RAD51B: variants seen among roughly 807,000 people sequenced by gnomAD.
RAD51B encodes the protein RAD51 paralog B.
RAD51B carries 38 observed loss-of-function variants against 42.2 expected under a neutral mutation model. The ratio of observed to expected loss-of-function variants is 0.90; its 90% CI spans 0.70 to 1.18. RAD51B has a LOEUF of 1.18. RAD51B is among the 50% of genes most tolerant of loss of function. The probability of loss-of-function intolerance (pLI) is 0.00; values close to 1 mark genes in which losing one functional copy is unlikely to be tolerated. For synonymous variants in RAD51B, 154 were observed against 145.2 expected, an observed-to-expected ratio of 1.06 and a Z score of -0.43; for missense variants, 373 against 400.7, an observed-to-expected ratio of 0.93 and a Z score of 0.59.
At chr14:67,826,519 A>G (rs2040837745) in intron 3 of RAD51B, among the ~76,000 whole-genome samples, 1 of 152,152 alleles carries the variant, frequency 6.6e-6, no homozygotes, top group Non-Finnish European at 1.5e-5. Flanking sequence ...AAATGTATTT[A>G]TTTATGTGGA....
At chr14:68,434,639 G>A (rs1311206483) in intron 9 of RAD51B, among the ~76,000 whole-genome samples, 1 of 152,120 alleles carries the variant, frequency 6.6e-6, no homozygotes, top group African/African-American at 2.4e-5. Context: ...AGGTGCTGTC[G>A]GTCACAGCTT....
chr14:68,284,529 C>T (rs549639386), intron 7 of RAD51B, among the ~76,000 whole-genome samples: 4 of 152,216 alleles, frequency 2.6e-5, no homozygotes, highest in South Asian at 2.1e-4. Flanking sequence ...GTCTGCCTGA[C>T]TCCCACACCC....
At chr14:68,003,178 TTTG>T (rs764644245) in intron 7 of RAD51B, among the ~76,000 whole-genome samples, 2 of 152,200 alleles carry the variant, frequency 1.3e-5, no homozygotes, top group Non-Finnish European at 2.9e-5. Flanking sequence ...TATGTTTCCA[TTTG>T]TTTGTGTCAT....
At chr14:68,569,655 G>A (rs534788962) in intron 10 of RAD51B, among the ~76,000 whole-genome samples, 7 of 152,342 alleles carry the variant, frequency 4.6e-5, no homozygotes, top group East Asian at 1.9e-4. Flanking sequence ...GCAAGATGCC[G>A]AACGTCCCTT....
intron 7 of RAD51B, among the ~76,000 whole-genome samples, chr14:68,135,809 G>C (rs1324925160): frequency 6.6e-6 from 1 of 152,164 alleles, no homozygotes; most frequent in Non-Finnish European, 1.5e-5. Context: ...CTCATACTTA[G>C]TTAATTTCTT....
At chr14:68,620,133 C>T (rs766742871) in intron 10 of RAD51B, among the ~76,000 whole-genome samples, 1 of 152,194 alleles carries the variant, frequency 6.6e-6, no homozygotes, top group Non-Finnish European at 1.5e-5. Context: ...CTTCCTCTTG[C>T]ATAGGCTTAA....
chr14:68,270,653 A>C (rs2081086899), intron 7 of RAD51B, among the ~76,000 whole-genome samples: 1 of 152,238 alleles, frequency 6.6e-6, no homozygotes, highest in Non-Finnish European at 1.5e-5. Context: ...AGCTTGATGA[A>C]GACATCACCC....
intron 5 of RAD51B, among the ~76,000 whole-genome samples, chr14:67,871,253 A>G (rs1372538108): frequency 6.6e-6 from 1 of 152,072 alleles, no homozygotes; most frequent in Non-Finnish European, 1.5e-5. Flanking sequence ...GATAAAGGGG[A>G]TATCATCACC....
At chr14:68,604,671 A>G (rs1020959546) in intron 10 of RAD51B, among the ~76,000 whole-genome samples, 1 of 152,074 alleles carries the variant, frequency 6.6e-6, no homozygotes, top group South Asian at 2.1e-4. Flanking sequence ...CCTCCCTCTA[A>G]GTCATCGAAG....
rs938818211 is a variant in RAD51B at position 67,963,149 on chromosome 14, A to G, written c.756+75945A>G. ...TGATATTTTTTATTTTTAACTGTGA[A>G]TATAATCTCATCCCAGAAAGAATAC... On this transcript the variant is annotated intron_variant, in intron 7 of 10. Transcript: ENST00000471583. Among the ~76,000 whole-genome samples, 7 of 152,086 alleles carry G rather than the reference A, an allele frequency of 4.6e-5. No homozygotes were observed. The South Asian group carries it at 1.2e-3, about 27-fold the overall frequency.
intron 10 of RAD51B, among the ~76,000 whole-genome samples, chr14:68,569,028 C>A (rs990145887): frequency 6.6e-6 from 1 of 152,210 alleles, no homozygotes; most frequent in South Asian, 2.1e-4. Context: ...TGTTGAAGGG[C>A]TTTGGGGTCT....
chr14:68,350,082 A>G (rs1366051552), intron 8 of RAD51B, among the ~76,000 whole-genome samples: 1 of 152,122 alleles, frequency 6.6e-6, no homozygotes, highest in African/African-American at 2.4e-5. Flanking sequence ...CTTCCACCAC[A>G]TGTTTACATT....
Position 68,432,476 on chromosome 14 carries a change from T to G in RAD51B, c.957+20949T>G, listed in dbSNP as rs527432185. ...TATATTTAGGATAGTTAGCTCTTCT[T>G]GTTGAATTGATCCCTTTACCATTAT... is the stretch of plus-strand genomic sequence containing the variant. On this transcript the variant is annotated intron_variant, in intron 9 of 10. Coordinates refer to ENST00000471583, the MANE Select transcript of RAD51B (RefSeq NM_133510.4). Among the ~76,000 whole-genome samples, 7 of 152,364 alleles carry G rather than the reference T, an allele frequency of 4.6e-5. No individual in the cohort carries two copies. The East Asian group carries it at 9.6e-4, about 21-fold the overall frequency.
chr14:68,004,417 G>A (rs1449374717), intron 7 of RAD51B, among the ~76,000 whole-genome samples: 1 of 145,160 alleles, frequency 6.9e-6, no homozygotes, highest in Non-Finnish European at 1.5e-5. Context: ...GTTTTTGTTT[G>A]TAGTACCGAT....
chr14:67,902,275 TA>T (rs59131215), intron 7 of RAD51B, among the ~76,000 whole-genome samples: 4,031 of 152,162 alleles, frequency 0.026, 177 homozygotes, highest in African/African-American at 0.092. Context: ...TTTTATAATT[TA>T]TAAGCACTTT....
chr14:68,637,336 C>T (rs769658411), intron 10 of RAD51B, among the ~76,000 whole-genome samples: 1 of 152,216 alleles, frequency 6.6e-6, no homozygotes, highest in Non-Finnish European at 1.5e-5. Flanking sequence ...ACTTTAGCCT[C>T]TCAAATTTCC....
At chr14:68,248,849 G>A (rs962153822) in intron 7 of RAD51B, among the ~76,000 whole-genome samples, 13 of 151,946 alleles carry the variant, frequency 8.6e-5, no homozygotes, top group Non-Finnish European at 2.9e-5. Context: ...AGCAGAGGGC[G>A]GACACAGCCT....
intron 8 of RAD51B, among the ~76,000 whole-genome samples, chr14:68,381,548 C>T (rs372608723): frequency 1.3e-5 from 2 of 152,012 alleles, no homozygotes; most frequent in African/African-American, 4.8e-5. Context: ...TGGTGGCGGG[C>T]GCCTTTAGTC....
chr14:67,954,944 C>T (rs1031604374), intron 7 of RAD51B, among the ~76,000 whole-genome samples: 3 of 151,818 alleles, frequency 2.0e-5, no homozygotes, highest in Non-Finnish European at 2.9e-5. Context: ...GTTTAGAGAT[C>T]AGAGGAGTAA....
Sources: allele counts gnomAD v4.1 joint callset (sites outside exome capture counted in the v4.1 genomes callset), GRCh38; gene constraint gnomAD v4.1.1; transcripts MANE v1.5; gene names NCBI Gene and HGNC (gene_info 2026-07-23, HGNC 2026-07-21).